Variants in SAMD4A observed in about 807,000 individuals in gnomAD.
SAMD4A encodes the protein protein Smaug homolog 1.
Under a neutral mutation model 81.3 loss-of-function variants are expected in SAMD4A, and 33 were observed. That is an observed-to-expected ratio of 0.41 (90% CI 0.31 to 0.54). The LOEUF (loss-of-function observed/expected upper bound fraction) is 0.54, where lower values mean the gene tolerates loss of function less well. Ranked by LOEUF, SAMD4A falls within the 20% of genes least tolerant of loss-of-function variation. The pLI, the probability that SAMD4A is intolerant of heterozygous loss-of-function variation, is 0.37. For synonymous variants in SAMD4A, 389 were observed against 382.1 expected, an observed-to-expected ratio of 1.02 and a Z score of -0.21; for missense variants, 854 against 951.1, an observed-to-expected ratio of 0.90 and a Z score of 1.34.
chr14:54,731,268 A>T (rs1216079567), intron 3 of SAMD4A, among the ~76,000 whole-genome samples: 2 of 152,240 alleles, frequency 1.3e-5, no homozygotes, highest in East Asian at 3.8e-4. Flanking sequence ...CTTAAGAATT[A>T]TATGCTGTGA....
intron 2 of SAMD4A, among the ~76,000 whole-genome samples, chr14:54,650,438 A>G (rs1159759967): frequency 6.6e-6 from 1 of 152,198 alleles, no homozygotes; most frequent in Non-Finnish European, 1.5e-5. Flanking sequence ...ACAGGCATTA[A>G]TCAGTAGTGA....
chr14:54,578,953 G>C (rs1268029062), intron 2 of SAMD4A, among the ~76,000 whole-genome samples: 1 of 152,214 alleles, frequency 6.6e-6, no homozygotes, highest in Non-Finnish European at 1.5e-5. Flanking sequence ...TCACCCAAAA[G>C]CAGTGATAAG....
intron 3 of SAMD4A, among the ~76,000 whole-genome samples, chr14:54,736,265 A>G (rs963347786): frequency 1.3e-5 from 2 of 152,240 alleles, no homozygotes; most frequent in South Asian, 2.1e-4. Context: ...GAAGGGCTGA[A>G]CATGCTGGTA....
At chr14:54,639,460 G>A (rs1007788745) in intron 2 of SAMD4A, among the ~76,000 whole-genome samples, 1 of 152,146 alleles carries the variant, frequency 6.6e-6, no homozygotes, top group Non-Finnish European at 1.5e-5. Context: ...CAGGGTTGGC[G>A]TGAGGGGGGC....
At chr14:54,660,075 G>A (rs1187372049) in intron 2 of SAMD4A, among the ~76,000 whole-genome samples, 7 of 150,922 alleles carry the variant, frequency 4.6e-5, no homozygotes, top group Middle Eastern at 3.4e-3. Flanking sequence ...GCGAGACTCC[G>A]TCTCAGAAAA....
intron 6 of SAMD4A, among the ~76,000 whole-genome samples, chr14:54,756,665 A>G (rs1024558416): frequency 9.2e-5 from 14 of 152,212 alleles, no homozygotes; most frequent in African/African-American, 3.1e-4. Context: ...TGAGAATCCC[A>G]ATTCTTACAC....
At chr14:54,657,449 T>A (rs1566569746) in intron 2 of SAMD4A, among the ~76,000 whole-genome samples, 2 of 152,216 alleles carry the variant, frequency 1.3e-5, no homozygotes, top group African/African-American at 4.8e-5. Flanking sequence ...GCTGTTTACT[T>A]ATTTTTTTTG....
At chr14:54,695,115 G>A (rs1255917635) in intron 2 of SAMD4A, among the ~76,000 whole-genome samples, 2 of 152,196 alleles carry the variant, frequency 1.3e-5, no homozygotes, top group Admixed American at 6.5e-5. Context: ...CCAAGGGACA[G>A]TAGCATTTTG....
At chr14:54,720,991 C>T (rs1033759829) in intron 3 of SAMD4A, among the ~76,000 whole-genome samples, 5 of 152,202 alleles carry the variant, frequency 3.3e-5, no homozygotes, top group African/African-American at 4.8e-5. Context: ...AAGTGGTCTG[C>T]TGATAACCTT....
At chr14:54,612,724 C>T (rs186016603) in intron 2 of SAMD4A, among the ~76,000 whole-genome samples, 21 of 152,218 alleles carry the variant, frequency 1.4e-4, no homozygotes, top group Admixed American at 5.2e-4. Context: ...CATCCATCTG[C>T]GTGCTAGGAT....
At chr14:54,688,214 G>A (rs1439920568) in intron 2 of SAMD4A, 2 of 985,336 alleles carry the variant, frequency 2.0e-6, no homozygotes, top group Non-Finnish European at 2.4e-6. Flanking sequence ...TTTTGCTCCT[G>A]TTACTGCATG....
At chr14:54,594,099 A>C (rs2033852733) in intron 2 of SAMD4A, among the ~76,000 whole-genome samples, 1 of 152,238 alleles carries the variant, frequency 6.6e-6, no homozygotes, top group African/African-American at 2.4e-5. Flanking sequence ...AAAAAAGTAC[A>C]TTTTCATAAA....
At chr14:54,740,338 TG>T (rs2140939755) in intron 4 of SAMD4A, among the ~76,000 whole-genome samples, 1 of 152,342 alleles carries the variant, frequency 6.6e-6, no homozygotes, top group Non-Finnish European at 1.5e-5. Context: ...TGGTCCACTT[TG>T]GGGTGCCATC....
intron 8 of SAMD4A, among the ~76,000 whole-genome samples, chr14:54,768,916 AT>A (rs909002495): frequency 3.9e-5 from 6 of 151,934 alleles, no homozygotes; most frequent in South Asian, 2.1e-4. Flanking sequence ...CTAAGCTGTC[AT>A]TTTTTTTCTC....
chr14:54,619,960 C>CT (rs938553545), intron 2 of SAMD4A, among the ~76,000 whole-genome samples: 37 of 151,044 alleles, frequency 2.4e-4, no homozygotes, highest in Admixed American at 1.2e-3. Flanking sequence ...ACTTGAAAGA[C>CT]TTTTTTTTTC....
At chr14:54,685,028 A>C (rs553679725) in intron 2 of SAMD4A, among the ~76,000 whole-genome samples, 43 of 152,272 alleles carry the variant, frequency 2.8e-4, no homozygotes, top group African/African-American at 9.1e-4. Flanking sequence ...AAAACTGGAG[A>C]CTGTTAGCCT....
intron 5 of SAMD4A, among the ~76,000 whole-genome samples, chr14:54,750,999 C>T (rs187363226): frequency 2.0e-5 from 3 of 152,300 alleles, no homozygotes; most frequent in Non-Finnish European, 2.9e-5. Flanking sequence ...CGGTGGCTCA[C>T]GCCTAGAATT....
chr14:54,576,550 G>T (rs1227396393), intron 2 of SAMD4A, among the ~76,000 whole-genome samples: 1 of 152,234 alleles, frequency 6.6e-6, no homozygotes, highest in Admixed American at 6.5e-5. Context: ...TGAGCGTATG[G>T]ATGAAGAAAT....
chr14:54,669,147 A>G (rs1021048358), intron 2 of SAMD4A, among the ~76,000 whole-genome samples: 11 of 152,224 alleles, frequency 7.2e-5, no homozygotes, highest in Non-Finnish European at 1.6e-4. Context: ...AGCTTGGATC[A>G]TCATGAAGCT....
Sources: gnomAD v4.1 joint callset for allele counts (sites outside exome capture counted in the v4.1 genomes callset) on GRCh38, gnomAD v4.1.1 for gene constraint, MANE v1.5 for transcripts, NCBI Gene and HGNC (gene_info 2026-07-23, HGNC 2026-07-21) for gene names.